Variants in PLCE1 observed in about 807,000 individuals in gnomAD.
PLCE1 encodes the protein 1-phosphatidylinositol 4,5-bisphosphate phosphodiesterase epsilon-1.
PLCE1 carries 119 observed loss-of-function variants against 242.8 expected under a neutral mutation model. The ratio of observed to expected loss-of-function variants is 0.49; its 90% CI spans 0.42 to 0.57. PLCE1 has a LOEUF of 0.57. PLCE1 is among the 20% of genes least tolerant of loss of function. The pLI is 0.00. For synonymous variants in PLCE1, 945 were observed against 1,017.4 expected (o/e 0.93, Z 1.35); for missense variants, 2,441 against 2,788.8 (o/e 0.88, Z 2.81).
At chr10:94,243,518 CTAATG>C (rs1475269639) in intron 7 of PLCE1, among the ~76,000 whole-genome samples, 1 of 152,162 alleles carries the variant, frequency 6.6e-6, no homozygotes, top group African/African-American at 2.4e-5. Flanking sequence ...ATATACCAGA[CTAATG>C]TAAGATGTTA....
chr10:94,220,807 GA>G (rs1473895981), intron 4 of PLCE1, among the ~76,000 whole-genome samples: 2 of 152,124 alleles, frequency 1.3e-5, no homozygotes, highest in Non-Finnish European at 2.9e-5. Flanking sequence ...CCATTTTACT[GA>G]AAAGGGAATT....
intron 2 of PLCE1, among the ~76,000 whole-genome samples, chr10:94,081,230 T>C (rs2044646201): frequency 6.6e-6 from 1 of 152,250 alleles, no homozygotes. Context: ...TAAAGATCTC[T>C]GTATATTTGG....
chr10:94,113,269 G>A (rs1254823542), intron 2 of PLCE1, among the ~76,000 whole-genome samples: 1 of 31,442 alleles, frequency 3.2e-5, no homozygotes, highest in Non-Finnish European at 1.0e-4. Context: ...TAAAGCTGCT[G>A]TTAAAAAAAA....
intron 4 of PLCE1, among the ~76,000 whole-genome samples, chr10:94,212,929 T>C (rs2049390921): frequency 6.6e-6 from 1 of 152,228 alleles, no homozygotes; most frequent in African/African-American, 2.4e-5. Context: ...CAAAATCAAA[T>C]GCTGCAGAGG....
chr10:94,034,008 TCA>T (rs1458761325), intron 2 of PLCE1, among the ~76,000 whole-genome samples: 1 of 152,144 alleles, frequency 6.6e-6, no homozygotes, highest in Non-Finnish European at 1.5e-5. Flanking sequence ...TTCAGTGGAC[TCA>T]CAGTTCCACA....
At chr10:94,110,054 T>TTTCC (rs1262500254) in intron 2 of PLCE1, among the ~76,000 whole-genome samples, 2 of 92,140 alleles carry the variant, frequency 2.2e-5, no homozygotes, top group East Asian at 5.6e-4. Context: ...TTTTTTTCTT[T>TTTCC]TTTCTTTTTT....
intron 2 of PLCE1, chr10:94,105,549 T>C (rs1450850548): frequency 6.6e-6 from 1 of 152,208 alleles, no homozygotes; most frequent in Non-Finnish European, 1.5e-5. Flanking sequence ...ACAGACCCAT[T>C]GTTCTCAAAA....
intron 2 of PLCE1, among the ~76,000 whole-genome samples, chr10:94,064,634 G>A (rs2044149992): frequency 6.6e-6 from 1 of 152,136 alleles, no homozygotes; most frequent in Non-Finnish European, 1.5e-5. Flanking sequence ...GTGATCCTGG[G>A]CAAGTTTGAC....
At chr10:94,272,690 G>A (rs578011798) in intron 18 of PLCE1, among the ~76,000 whole-genome samples, 5 of 152,022 alleles carry the variant, frequency 3.3e-5, no homozygotes, top group Non-Finnish European at 7.4e-5. Context: ...CCCTCCGTTC[G>A]GGATCCCTGA....
chr10:94,146,379 T>C (rs984055568), intron 3 of PLCE1, among the ~76,000 whole-genome samples: 1 of 152,126 alleles, frequency 6.6e-6, no homozygotes, highest in Non-Finnish European at 1.5e-5. Flanking sequence ...GGAGGAATTT[T>C]TACTATGACA....
intron 7 of PLCE1, among the ~76,000 whole-genome samples, chr10:94,242,296 GTTTTATTTTTTAT>G (rs1429078455): frequency 2.6e-5 from 4 of 151,802 alleles, no homozygotes; most frequent in African/African-American, 9.7e-5. Flanking sequence ...TGTTTTTGTT[GTTTTATTTTTTAT>G]TTTTATTTTT....
intron 4 of PLCE1, among the ~76,000 whole-genome samples, chr10:94,201,724 C>T (rs1420335407): frequency 6.6e-6 from 1 of 152,172 alleles, no homozygotes; most frequent in East Asian, 1.9e-4. Context: ...CGTGATCCAC[C>T]TGCCTCAGCC....
intron 18 of PLCE1, among the ~76,000 whole-genome samples, chr10:94,271,143 C>G (rs1202769966): frequency 6.6e-6 from 1 of 151,918 alleles, no homozygotes; most frequent in African/African-American, 2.4e-5. Flanking sequence ...GCTCTCTGGT[C>G]TCCTTACCCT....
chr10:94,197,809 C>T (rs1196505855), intron 4 of PLCE1, among the ~76,000 whole-genome samples: 2 of 151,810 alleles, frequency 1.3e-5, no homozygotes, highest in South Asian at 4.2e-4. Context: ...CTGGTGAAAC[C>T]CCATCTCTAC....
At chr10:94,296,933 G>A (rs547737169) in intron 23 of PLCE1, among the ~76,000 whole-genome samples, 1 of 151,824 alleles carries the variant, frequency 6.6e-6, no homozygotes, top group Non-Finnish European at 1.5e-5. Context: ...GAGTGCAGTG[G>A]CGCGATCTCA....
Position 94,229,933 on chromosome 10 carries a change from C to T in PLCE1, c.1955+2482C>T, listed in dbSNP as rs144194615. ...TATTCTGTACACAGGAGATAAGTGG[C>T]CAGATACTCTTATGATGCAATGATT... On this transcript the variant is annotated intron_variant, in intron 5 of 32. Transcript: ENST00000371380. 1.4e-4 allele frequency among the ~76,000 whole-genome samples: 21 copies of T among 152,240 alleles called. No homozygotes were observed. In the East Asian group the frequency reaches 4.1e-3, roughly 29 times the overall value.
At chr10:94,164,124 T>G (rs2136243763) in intron 3 of PLCE1, among the ~76,000 whole-genome samples, 1 of 152,262 alleles carries the variant, frequency 6.6e-6, no homozygotes, top group South Asian at 2.1e-4. Flanking sequence ...CTGACCATTA[T>G]GTGTCTTGGA....
chr10:94,132,773 A>G (rs943131805), intron 3 of PLCE1, among the ~76,000 whole-genome samples: 7 of 152,080 alleles, frequency 4.6e-5, no homozygotes, highest in Non-Finnish European at 8.8e-5. Flanking sequence ...ACACGGTGGA[A>G]CACCATCTCT....
intron 2 of PLCE1, among the ~76,000 whole-genome samples, chr10:94,128,497 T>C (rs1434055420): frequency 6.6e-6 from 1 of 152,234 alleles, no homozygotes; most frequent in Non-Finnish European, 1.5e-5. Flanking sequence ...AGTTCAGAGC[T>C]TCATTCACAG....
Sources: gnomAD v4.1 joint callset for allele counts (sites outside exome capture counted in the v4.1 genomes callset) on GRCh38, gnomAD v4.1.1 for gene constraint, MANE v1.5 for transcripts, NCBI Gene and HGNC (gene_info 2026-07-23, HGNC 2026-07-21) for gene names.